The following LURAP1L variants were observed in gnomAD, a reference collection of about 807,000 sequenced individuals.
LURAP1L encodes the protein leucine rich adaptor protein 1 like.
Under a neutral mutation model 13.8 loss-of-function variants are expected in LURAP1L, and 12 were observed. The observed-to-expected ratio is 0.87, with a 90% CI of 0.56 to 1.41. LURAP1L has a LOEUF of 1.41. LURAP1L is among the 40% of genes most tolerant of loss of function. LURAP1L has a pLI of 0.00. For missense variants in LURAP1L, 375 were observed against 292.9 expected (o/e 1.28, Z -2.04); for synonymous variants, 139 against 119.2 (o/e 1.17, Z -1.08).
At chr9:12,797,770 A>C (rs1819528192) in intron 1 of LURAP1L, among the ~76,000 whole-genome samples, 1 of 152,162 alleles carries the variant, frequency 6.6e-6, no homozygotes, top group Admixed American at 6.5e-5. Flanking sequence ...TTTTTTAACA[A>C]ATTCATATCC....
chr9:12,811,677 T>A (rs531075687), intron 1 of LURAP1L, among the ~76,000 whole-genome samples: 19 of 152,244 alleles, frequency 1.2e-4, no homozygotes, highest in Non-Finnish European at 2.1e-4. Context: ...AGTGGAAAGA[T>A]CTCTAGGACC....
At chr9:12,797,851 G>T (rs1256396923) in intron 1 of LURAP1L, among the ~76,000 whole-genome samples, 1 of 152,014 alleles carries the variant, frequency 6.6e-6, no homozygotes, top group Non-Finnish European at 1.5e-5. Flanking sequence ...ATAAAATCCA[G>T]CTATTATTTA....
At chr9:12,799,883 A>AAG (rs1819561025) in intron 1 of LURAP1L, among the ~76,000 whole-genome samples, 1 of 152,096 alleles carries the variant, frequency 6.6e-6, no homozygotes, top group African/African-American at 2.4e-5. Context: ...CAAAAAAAAA[A>AAG]AAAAAAAAGC....
At chr9:12,800,718 C>T (rs144622222) in intron 1 of LURAP1L, among the ~76,000 whole-genome samples, 169 of 152,312 alleles carry the variant, frequency 1.1e-3, no homozygotes, top group Non-Finnish European at 2.0e-3. Flanking sequence ...TCATCACCTT[C>T]TGCCGTGATT....
chr9:12,781,157 G>A (rs1453274302), intron 1 of LURAP1L, among the ~76,000 whole-genome samples: 1 of 152,106 alleles, frequency 6.6e-6, no homozygotes, highest in African/African-American at 2.4e-5. Context: ...TTTTAGTAGA[G>A]ATGGGGTTTC....
intron 1 of LURAP1L, chr9:12,777,733 A>T (rs1334412616): frequency 1.2e-5 from 3 of 249,670 alleles, no homozygotes; most frequent in Non-Finnish European, 1.9e-5. Flanking sequence ...AATGATTGGT[A>T]TGTATGTGAA....
At chr9:12,776,644 T>A (rs150299973) in intron 1 of LURAP1L, among the ~76,000 whole-genome samples, 76 of 152,218 alleles carry the variant, frequency 5.0e-4, no homozygotes, top group Non-Finnish European at 7.8e-4. Context: ...TCGTCCTTGA[T>A]GTACTTATGA....
rs1315672754 is a variant in LURAP1L at position 12,815,376 on chromosome 9, G to A, written c.313-6010G>A. Among the ~76,000 whole-genome samples the A allele has an allele frequency of 2.0e-5, 3 of 152,256 alleles. No homozygotes were observed. In the East Asian group the frequency reaches 5.8e-4, roughly 29 times the overall value. ...AAAAATATATTCTAAAATAAATGTG[G>A]ATAGAAAAGAGGCCCTGACAGAACT... is the stretch of plus-strand genomic sequence containing the variant. On this transcript the variant is annotated intron_variant, in intron 1 of 1. Coordinates refer to ENST00000319264, the MANE Select transcript of LURAP1L (RefSeq NM_203403.2).
intron 1 of LURAP1L, among the ~76,000 whole-genome samples, chr9:12,807,937 C>A (rs1204259284): frequency 1.3e-5 from 2 of 152,058 alleles, no homozygotes; most frequent in African/African-American, 4.8e-5. Context: ...TCTAAGTGCA[C>A]TTTTAAGTAA....
At chr9:12,813,189 A>C (rs1819761308) in intron 1 of LURAP1L, among the ~76,000 whole-genome samples, 1 of 152,144 alleles carries the variant, frequency 6.6e-6, no homozygotes, top group South Asian at 2.1e-4. Context: ...TTTTTGTTAA[A>C]TTTTCAGGAG....
At position 12,775,960 on chromosome 9, in the gene LURAP1L, C is replaced by A; in HGVS notation, c.245C>A (p.Pro82Gln). 6.3e-7 allele frequency: 1 copy of A among 1,595,974 alleles called. No homozygotes were observed. The highest frequency in any genetic ancestry group is 1.1e-5 in the South Asian group (1 of 88,366). The change falls in exon 1 of 2, where the codon CCA becomes CAA. Residue 82 changes from proline to glutamine, a missense_variant. Pro to Gln is a moderately conservative substitution (Grantham distance 76). Coordinates refer to ENST00000319264, the MANE Select transcript of LURAP1L (RefSeq NM_203403.2). ...TCGTCCTCCCCAACCTCTGGCTCCC[C>A]ACGAGGTAGCCACTCTAGCGCCCTG... ...SSSSSPTSGS[P>Q]RGSHSSALER...
intron 1 of LURAP1L, among the ~76,000 whole-genome samples, chr9:12,809,558 A>G (rs1819709051): frequency 6.6e-6 from 1 of 152,208 alleles, no homozygotes; most frequent in Middle Eastern, 3.2e-3. Flanking sequence ...CCATTGGCGT[A>G]TTAATCATAG....
intron 1 of LURAP1L, among the ~76,000 whole-genome samples, chr9:12,797,283 C>G (rs1819522632): frequency 6.6e-6 from 1 of 151,936 alleles, no homozygotes. Context: ...GAGCAGGGAA[C>G]TCTAATAACT....
chr9:12,786,942 C>A (rs1432366282), intron 1 of LURAP1L, among the ~76,000 whole-genome samples: 1 of 151,968 alleles, frequency 6.6e-6, no homozygotes, highest in South Asian at 2.1e-4. Flanking sequence ...TTGGCAGTTT[C>A]AGATTTTTCT....
chr9:12,820,328 C>G (rs1819856462), intron 1 of LURAP1L, among the ~76,000 whole-genome samples: 1 of 152,084 alleles, frequency 6.6e-6, no homozygotes, highest in South Asian at 2.1e-4. Context: ...CATGGTGAAA[C>G]TCCGTCTCTA....
chr9:12,788,636 A>G (rs1009791202), intron 1 of LURAP1L, among the ~76,000 whole-genome samples: 9 of 152,082 alleles, frequency 5.9e-5, no homozygotes, highest in Non-Finnish European at 1.5e-5. Flanking sequence ...ATTATGTTGT[A>G]AATTTATTTA....
chr9:12,820,305 C>T (rs947170934), intron 1 of LURAP1L, among the ~76,000 whole-genome samples: 1 of 151,996 alleles, frequency 6.6e-6, no homozygotes, highest in African/African-American at 2.4e-5. Flanking sequence ...GAGTTTGAGA[C>T]CATCCTGGCC....
intron 1 of LURAP1L, among the ~76,000 whole-genome samples, chr9:12,804,812 C>A (rs981391113): frequency 6.6e-6 from 1 of 151,996 alleles, no homozygotes; most frequent in African/African-American, 2.4e-5. Context: ...AAAGGTAGTC[C>A]GAGTTAAATT....
At chr9:12,790,267 T>A (rs1415367799) in intron 1 of LURAP1L, among the ~76,000 whole-genome samples, 5 of 152,194 alleles carry the variant, frequency 3.3e-5, no homozygotes, top group African/African-American at 1.2e-4. Flanking sequence ...CTCACTATCT[T>A]TTTCTCCTGC....
Sources: allele counts gnomAD v4.1 joint callset (sites outside exome capture counted in the v4.1 genomes callset), GRCh38; gene constraint gnomAD v4.1.1; transcripts MANE v1.5; gene names NCBI Gene and HGNC (gene_info 2026-07-23, HGNC 2026-07-21).